The following MGA variants were observed in gnomAD, a reference collection of about 807,000 sequenced individuals.
MGA encodes MAX gene-associated protein.
Under a neutral mutation model 261.1 loss-of-function variants are expected in MGA, and 40 were observed. That is an observed-to-expected ratio of 0.15 (90% CI 0.12 to 0.20). The LOEUF (loss-of-function observed/expected upper bound fraction) is 0.20, where lower values mean the gene tolerates loss of function less well. MGA is among the 10% of genes least tolerant of loss of function. MGA has a pLI of 1.00. For synonymous variants in MGA, 1,302 were observed against 1,290.6 expected (o/e 1.01, Z -0.19); for missense variants, 3,397 against 3,630.5 (o/e 0.94, Z 1.65).
In MGA at chr15:41,736,238, A is replaced by G. The variant is rs774541202; in HGVS notation, c.3974A>G (p.His1325Arg). 1 of 1,613,906 alleles carries G rather than the reference A, an allele frequency of 6.2e-7. No homozygotes were observed. ...GAATCCTCTTCTACTTCTTATATGC[A>G]TCAGAGGTCACCTGGTGGTCCCACC... Residue 1325 changes from histidine (H) to arginine (R), a missense_variant, in exon 13 of 24, where the codon CAT (histidine) becomes CGT (arginine). Around this residue, in one of 9 missense-constraint regions of MGA, gnomAD observed 1,410 missense variants for 1,386.4 expected, o/e 1.02. Transcript: ENST00000219905.
At chr15:41,643,314 C>G (rs2056865018) in intron 1 of MGA, among the ~76,000 whole-genome samples, 1 of 151,626 alleles carries the variant, frequency 6.6e-6, no homozygotes, top group African/African-American at 2.4e-5. Context: ...GACCTTGGCT[C>G]ACTGCAACCT....
intron 22 of MGA, 99 bp downstream of exon 22, chr15:41,762,461 G>GTTTTTTTTTTTGTTTTTTTTTTTTT (rs2063525666): frequency 1.6e-5 from 2 of 125,094 alleles, no homozygotes; most frequent in African/African-American, 1.3e-4. Context: ...GTTTTGTGTG[G>GTTTTTTTTTTTGTTTTTTTTTTTTT]TTTTTTTTTT....
intron 2 of MGA, among the ~76,000 whole-genome samples, chr15:41,681,095 C>T (rs961483421): frequency 6.6e-6 from 1 of 152,074 alleles, no homozygotes; most frequent in African/African-American, 2.4e-5. Flanking sequence ...GAACCCTGGA[C>T]AAAGACCAGA....
chr15:41,646,514 A>C (rs2056935726), intron 1 of MGA, among the ~76,000 whole-genome samples: 1 of 151,594 alleles, frequency 6.6e-6, no homozygotes, highest in African/African-American at 2.4e-5. Flanking sequence ...TGGAGGGGGA[A>C]GTTCTGCCAT....
In MGA at chr15:41,699,125, G is replaced by A. The variant is rs375934798; in HGVS notation, c.2154G>A (p.Arg718=). ...TGATAGAAGATTTGAAGACTTTGCGGCACAAGCAGGTGATACATCCTGGTC... is the reference window on the plus strand; with the variant it reads ...TGATAGAAGATTTGAAGACTTTGCGACACAAGCAGGTGATACATCCTGGTC... Residue 718 remains arginine (R), a synonymous_variant, in exon 5 of 24, where the codon CGG becomes CGA. Transcript: ENST00000219905. 134 of 1,611,134 alleles carry A rather than the reference G, an allele frequency of 8.3e-5. No individual in the cohort carries two copies. The highest frequency in any genetic ancestry group is 1.6e-4 in the Middle Eastern group (1 of 6,080).
chr15:41,678,488 G>A (rs1019323888), intron 2 of MGA, among the ~76,000 whole-genome samples: 2 of 151,392 alleles, frequency 1.3e-5, no homozygotes, highest in African/African-American at 2.4e-5. Context: ...TGTCCTGGCC[G>A]GGTGCTGTGG....
chr15:41,656,694 G>A (rs984871651), upstream of MGA, among the ~76,000 whole-genome samples: 16 of 151,658 alleles, frequency 1.1e-4, no homozygotes, highest in African/African-American at 3.6e-4. Flanking sequence ...TAACATTTCT[G>A]TCCTTCTTTT....
At chr15:41,630,639 A>G (rs902016029) in intron 1 of MGA, among the ~76,000 whole-genome samples, 8 of 152,186 alleles carry the variant, frequency 5.3e-5, no homozygotes, top group African/African-American at 1.9e-4. Context: ...TAGTTCAGAG[A>G]CATATTAGGA....
intron 1 of MGA, among the ~76,000 whole-genome samples, chr15:41,667,955 C>G (rs2057847396): frequency 6.6e-6 from 1 of 151,974 alleles, no homozygotes; most frequent in Non-Finnish European, 1.5e-5. Context: ...AGGCGTGCAC[C>G]ACCACACCAG....
Position 41,765,993 on chromosome 15 carries a change from T to G in MGA, c.7922-11T>G. 1 of 1,596,688 alleles carries G rather than the reference T, an allele frequency of 6.3e-7. No homozygotes were observed. Among genetic ancestry groups the G allele is most frequent in the South Asian group, 1.1e-5 (1 of 89,294 alleles). On this transcript the variant is annotated splice_polypyrimidine_tract_variant and intron_variant, in intron 23 of 23. Transcript: ENST00000219905. ...AAATGAATTTTTCTTTTTTTAATTT[T>G]TGTTTTTCAGAAAATGACGACTTAT... is the stretch of plus-strand genomic sequence containing the variant.
At chr15:41,659,440 T>C (rs1455326583), upstream of MGA, among the ~76,000 whole-genome samples, 1 of 152,250 alleles carries the variant, frequency 6.6e-6, no homozygotes, top group Non-Finnish European at 1.5e-5. Flanking sequence ...TTTTGGATCA[T>C]TGACCACAAA....
At chr15:41,722,216 G>A (rs1050773486) in intron 9 of MGA, among the ~76,000 whole-genome samples, 1 of 137,084 alleles carries the variant, frequency 7.3e-6, no homozygotes, top group Non-Finnish European at 1.5e-5. Flanking sequence ...TGCAAACTCC[G>A]CCTCCCGGGT....
intron 1 of MGA, among the ~76,000 whole-genome samples, chr15:41,644,670 G>T (rs1465268425): frequency 6.6e-6 from 1 of 151,984 alleles, no homozygotes; most frequent in African/African-American, 2.4e-5. Context: ...AAGAGGAAAA[G>T]AAAAAATATT....
At chr15:41,684,275 G>T in intron 2 of MGA, 1 of 363,460 alleles carries the variant, frequency 2.8e-6, no homozygotes, top group South Asian at 2.1e-5. Flanking sequence ...ATGTGTCTTA[G>T]AGTGGCTGGT....
At chr15:41,734,256 A>G (rs970433823) in intron 11 of MGA, among the ~76,000 whole-genome samples, 16 of 151,936 alleles carry the variant, frequency 1.1e-4, no homozygotes, top group African/African-American at 3.9e-4. Context: ...ATTTAACAGT[A>G]AATATGTTTC....
chr15:41,738,906 G>C (rs1487965693), intron 13 of MGA, among the ~76,000 whole-genome samples: 1 of 152,198 alleles, frequency 6.6e-6, no homozygotes, highest in Non-Finnish European at 1.5e-5. Flanking sequence ...GTAGCAAAGA[G>C]TAATTTTGTT....
intron 1 of MGA, among the ~76,000 whole-genome samples, chr15:41,645,089 A>G (rs894908379): frequency 1.3e-5 from 2 of 152,338 alleles, no homozygotes; most frequent in Admixed American, 6.5e-5. Context: ...GAGGATAACA[A>G]TTTGTTTAAT....
intron 1 of MGA, among the ~76,000 whole-genome samples, chr15:41,663,505 A>G (rs368364578): frequency 1.1e-4 from 14 of 130,958 alleles, no homozygotes; most frequent in Admixed American, 5.0e-4. Flanking sequence ...TGTTGTTGTT[A>G]TTATTTTGAG....
chr15:41,731,656 T>G (rs1391417178), intron 11 of MGA, among the ~76,000 whole-genome samples: 1 of 152,202 alleles, frequency 6.6e-6, no homozygotes, highest in African/African-American at 2.4e-5. Context: ...AAGGACAAAC[T>G]TTTATGAATA....
Sources: allele counts gnomAD v4.1 joint callset (sites outside exome capture counted in the v4.1 genomes callset), GRCh38; gene constraint gnomAD v4.1.1; regional missense constraint gnomAD v4.1.1; transcripts MANE v1.5; gene names NCBI Gene and HGNC (gene_info 2026-07-23, HGNC 2026-07-21).